The following WHRN variants were observed in gnomAD, a reference collection of about 807,000 sequenced individuals.
WHRN encodes the protein whirlin, also known as CASK-interacting protein CIP98.
Under a neutral mutation model 68.3 loss-of-function variants are expected in WHRN, and 41 were observed. The ratio of observed to expected loss-of-function variants is 0.60; its 90% CI spans 0.47 to 0.78. WHRN has a LOEUF of 0.78. Ranked by LOEUF, WHRN falls within the 30% of genes least tolerant of loss-of-function variation. The probability of loss-of-function intolerance (pLI) is 0.00; values close to 1 mark genes in which losing one functional copy is unlikely to be tolerated. For synonymous variants in WHRN, 560 were observed against 561.3 expected (o/e 1.00, Z 0.03); for missense variants, 1,243 against 1,244.7 (o/e 1.00, Z 0.02).
In WHRN at chr9:114,504,858, T is replaced by C; in HGVS notation, c.-57A>G. The C allele has an allele frequency of 7.4e-7, 1 of 1,343,404 alleles. No homozygotes were observed. The highest frequency in any genetic ancestry group is 9.5e-7 in the Non-Finnish European group (1 of 1,057,112). 83.2% of individuals were successfully genotyped at this position (1,343,404 alleles called of 1,614,324 possible). On this transcript the variant is annotated 5_prime_UTR_variant, in exon 1 of 12. Transcript: ENST00000362057. Reference sequence around the variant, plus strand: ...GCGCGGGGTGTGGGCGGTGCCGCTGTCCTCGCGGGTACTGGCGCGACAGCT... The same window carrying C: ...GCGCGGGGTGTGGGCGGTGCCGCTGCCCTCGCGGGTACTGGCGCGACAGCT...
At chr9:114,428,524 C>A (rs1837096160) in intron 3 of WHRN, among the ~76,000 whole-genome samples, 1 of 152,144 alleles carries the variant, frequency 6.6e-6, no homozygotes, top group Admixed American at 6.5e-5. Context: ...AACTGAGGCT[C>A]AGAAAGGTTA....
At position 114,408,002 on chromosome 9, in the gene WHRN, T is replaced by C. The variant is rs773198421; in HGVS notation, c.1643A>G (p.Glu548Gly). ...VSSARNTLDL[E>G]ETGEAVQGNI... Reference sequence around the variant, plus strand: ...GCCCTGGACAGCCTCGCCAGTTTCCTCCAGGTCCAGAGTGTTCTAGAAATG... The same window carrying C: ...GCCCTGGACAGCCTCGCCAGTTTCCCCCAGGTCCAGAGTGTTCTAGAAATG... The change falls in exon 8 of 12, where the codon GAG becomes GGG. Residue 548 changes from glutamate (E) to glycine (G), a missense_variant. By Grantham distance (98) the Glu-to-Gly change is moderately conservative (BLOSUM62 -2). Coordinates refer to ENST00000362057, the MANE Select transcript of WHRN (RefSeq NM_015404.4). 1.2e-6 allele frequency: 2 copies of C among 1,602,324 alleles called. No homozygotes were observed. The highest frequency in any genetic ancestry group is 2.7e-5 in the African/African-American group (2 of 74,606).
At chr9:114,484,390 C>G (rs962443287) in intron 1 of WHRN, among the ~76,000 whole-genome samples, 1 of 152,248 alleles carries the variant, frequency 6.6e-6, no homozygotes, top group Non-Finnish European at 1.5e-5. Context: ...AGCTGTGCCA[C>G]CTCACACAAG....
At chr9:114,410,764 G>A (rs1351005364) in intron 7 of WHRN, among the ~76,000 whole-genome samples, 4 of 152,228 alleles carry the variant, frequency 2.6e-5, no homozygotes, top group Admixed American at 6.5e-5. Context: ...CCTGTTAACT[G>A]CACACTGCCT....
intron 3 of WHRN, 56 bp downstream of exon 3, chr9:114,466,211 A>G: frequency 6.2e-7 from 1 of 1,610,874 alleles, no homozygotes; most frequent in Non-Finnish European, 8.5e-7. Context: ...TCTATTTAAA[A>G]TCAGCAGCAA....
chr9:114,425,202 G>T, intron 4 of WHRN, 178 bp from the exon 5 acceptor site: 1 of 731,224 alleles, frequency 1.4e-6, no homozygotes, highest in Non-Finnish European at 2.5e-6. Flanking sequence ...ACTCCGGACA[G>T]ACTGGCAGCG....
At chr9:114,416,442 C>T (rs4979382) in intron 7 of WHRN, among the ~76,000 whole-genome samples, 33,743 of 152,088 alleles carry the variant, frequency 0.22, 4,067 homozygotes, top group East Asian at 0.36. Flanking sequence ...GGGAGGTGAT[C>T]GGATCATGCG....
chr9:114,496,269 T>A (rs532935504), intron 1 of WHRN, among the ~76,000 whole-genome samples: 69 of 152,278 alleles, frequency 4.5e-4, no homozygotes, highest in South Asian at 2.1e-3. Context: ...GCCACCCACA[T>A]TGCTATAAGG....
At chr9:114,482,802 T>C (rs1041748432) in intron 1 of WHRN, among the ~76,000 whole-genome samples, 2 of 152,088 alleles carry the variant, frequency 1.3e-5, no homozygotes, top group Non-Finnish European at 2.9e-5. Context: ...GCAGCAACCT[T>C]GCGAACGGAG....
intron 3 of WHRN, among the ~76,000 whole-genome samples, chr9:114,463,213 C>A (rs559495259): frequency 6.6e-6 from 1 of 152,314 alleles, no homozygotes; most frequent in Admixed American, 6.5e-5. Flanking sequence ...CACTGACTTG[C>A]TTCACTCTCT....
rs189855390 is a variant in WHRN at position 114,433,026 on chromosome 9, C to T, written c.964-6613G>A. On this transcript the variant is annotated intron_variant, in intron 3 of 11. Transcript: ENST00000362057. ...AAACTCATATTTTAATCCCATTTTA[C>T]AGATGAGGAAGCCGAGGACGGGAAG... is the stretch of plus-strand genomic sequence containing the variant. 2.0e-3 allele frequency among the ~76,000 whole-genome samples: 299 copies of T among 152,292 alleles called. 1 individual carries two copies. Among genetic ancestry groups the T allele is most frequent in the African/African-American group, 6.9e-3 (287 of 41,550 alleles).
intron 8 of WHRN, 49 bp downstream of exon 8, chr9:114,407,898 C>G: frequency 6.6e-7 from 1 of 1,506,930 alleles, no homozygotes; most frequent in Non-Finnish European, 9.1e-7. Context: ...GCCACCAGGA[C>G]CTGAGCACAC....
chr9:114,458,760 G>C (rs1840010866), intron 3 of WHRN, among the ~76,000 whole-genome samples: 1 of 152,232 alleles, frequency 6.6e-6, no homozygotes, highest in South Asian at 2.1e-4. Context: ...TATGTTGAAT[G>C]GGGAGGGTGG....
In WHRN at chr9:114,403,271, G is replaced by A. The variant is rs1300764245; in HGVS notation, c.2487C>T (p.Ala829=). The change falls in exon 11 of 12, where the codon GCC becomes GCT. Residue 829 remains alanine, a synonymous_variant. Transcript: ENST00000362057. ...GGCGGGTGTTGGCGCCACCCTCGAT[G>A]GCGATGCCCAGGGTGGCCGCACTTT... ...VKKSAATLGI[A]IEGGANTRQP... 1.2e-6 allele frequency: 2 copies of A among 1,614,158 alleles called. No homozygotes were observed. Among genetic ancestry groups the A allele is most frequent in the South Asian group, 2.2e-5 (2 of 91,088 alleles).
intron 1 of WHRN, among the ~76,000 whole-genome samples, chr9:114,494,583 T>A (rs76861489): frequency 3.3e-4 from 51 of 152,304 alleles, no homozygotes; most frequent in African/African-American, 1.2e-3. Flanking sequence ...GCTCGAGCAC[T>A]GTGGGGCATC....
In WHRN at chr9:114,493,349, T is replaced by A. The variant is rs1486088005; in HGVS notation, c.618+10835A>T. Among the ~76,000 whole-genome samples the A allele has an allele frequency of 3.0e-4, 29 of 96,956 alleles. 1 individual carries two copies. The East Asian group carries it at 7.2e-3, about 24-fold the overall frequency. 63.6% of individuals were successfully genotyped at this position (96,956 alleles called of 152,430 possible). ...CTGGCCAACAGAATAAGACCCTATCTTTTTTTTAAAAAAAAAAAAAAAGTG... is the reference window on the plus strand; with the variant it reads ...CTGGCCAACAGAATAAGACCCTATCATTTTTTTAAAAAAAAAAAAAAAGTG... On this transcript the variant is annotated intron_variant, in intron 1 of 11. Transcript: ENST00000362057.
At chr9:114,424,159 TCC>T (rs927211106) in intron 6 of WHRN, among the ~76,000 whole-genome samples, 173 bp downstream of exon 6, 2 of 152,138 alleles carry the variant, frequency 1.3e-5, no homozygotes, top group Admixed American at 6.5e-5. Context: ...AATGTCTGTT[TCC>T]CCCAGGAGTC....
At chr9:114,433,120 C>T (rs1025238277) in intron 3 of WHRN, among the ~76,000 whole-genome samples, 10 of 152,348 alleles carry the variant, frequency 6.6e-5, no homozygotes, top group African/African-American at 2.2e-4. Flanking sequence ...CGAACCAATA[C>T]CACACTCTCC....
At chr9:114,466,640 G>T (rs541449262) in intron 2 of WHRN, among the ~76,000 whole-genome samples, 1 of 152,278 alleles carries the variant, frequency 6.6e-6, no homozygotes, top group Non-Finnish European at 1.5e-5. Flanking sequence ...GTAGTGGGGG[G>T]AAGGTGCTGA....
Sources: allele counts gnomAD v4.1 joint callset (sites outside exome capture counted in the v4.1 genomes callset), GRCh38; gene constraint gnomAD v4.1.1; transcripts MANE v1.5; gene names NCBI Gene and HGNC (gene_info 2026-07-23, HGNC 2026-07-21).